The following ARHGAP15 variants were observed in gnomAD, a reference collection of about 807,000 sequenced individuals.
ARHGAP15 encodes the protein Rho GTPase activating protein 15.
ARHGAP15 carries 51 observed loss-of-function variants against 63.7 expected under a neutral mutation model. The observed-to-expected ratio is 0.80, with a 90% confidence interval of 0.64 to 1.01. The LOEUF is 1.01. Among genes scored for constraint, ARHGAP15 ranks in the 50% least tolerant of loss-of-function variants. The probability of loss-of-function intolerance (pLI) is 0.00; values close to 1 mark genes in which losing one functional copy is unlikely to be tolerated. For missense variants in ARHGAP15, 560 were observed against 564.6 expected (o/e 0.99, Z 0.08); for synonymous variants, 191 against 193.8 (o/e 0.99, Z 0.12).
chr2:143,638,939 T>A (rs886373756), intron 12 of ARHGAP15, among the ~76,000 whole-genome samples: 1 of 152,090 alleles, frequency 6.6e-6, no homozygotes, highest in Admixed American at 6.6e-5. Context: ...TTTATAATAC[T>A]CCTTTGTGGT....
At chr2:143,482,817 T>C (rs1192898431) in intron 8 of ARHGAP15, among the ~76,000 whole-genome samples, 1 of 152,238 alleles carries the variant, frequency 6.6e-6, no homozygotes, top group Non-Finnish European at 1.5e-5. Context: ...AGTTATTTGG[T>C]TAATAAAAAG....
At chr2:143,445,321 C>T (rs1179257917) in intron 8 of ARHGAP15, among the ~76,000 whole-genome samples, 4 of 151,698 alleles carry the variant, frequency 2.6e-5, no homozygotes, top group Admixed American at 6.6e-5. Flanking sequence ...CAACACCACG[C>T]CTGGCTAATT....
At chr2:143,263,476 C>G (rs553617104) in intron 6 of ARHGAP15, among the ~76,000 whole-genome samples, 13 of 152,192 alleles carry the variant, frequency 8.5e-5, no homozygotes, top group Middle Eastern at 6.8e-3. Flanking sequence ...TGGTAGGTAG[C>G]CTTGGGGAGA....
At chr2:143,425,630 C>G (rs1158627750) in intron 6 of ARHGAP15, among the ~76,000 whole-genome samples, 1 of 152,038 alleles carries the variant, frequency 6.6e-6, no homozygotes, top group Non-Finnish European at 1.5e-5. Context: ...GTTCTCCAAA[C>G]AGCAGAATTA....
At chr2:143,643,782 T>G (rs1680730865) in intron 12 of ARHGAP15, among the ~76,000 whole-genome samples, 2 of 152,096 alleles carry the variant, frequency 1.3e-5, no homozygotes, top group South Asian at 4.1e-4. Flanking sequence ...TTTAATGACA[T>G]CTCGGTTAAA....
At chr2:143,477,989 TTGTG>T (rs1003062199) in intron 8 of ARHGAP15, among the ~76,000 whole-genome samples, 3 of 152,208 alleles carry the variant, frequency 2.0e-5, no homozygotes, top group African/African-American at 7.2e-5. Context: ...CTGAAAAAGA[TTGTG>T]TGAGGGCAGG....
chr2:143,760,333 A>T (rs1686718043), intron 13 of ARHGAP15, among the ~76,000 whole-genome samples: 1 of 152,324 alleles, frequency 6.6e-6, no homozygotes, highest in South Asian at 2.1e-4. Context: ...AGAAGGTATT[A>T]ATAGTAACAA....
intron 9 of ARHGAP15, among the ~76,000 whole-genome samples, chr2:143,510,402 G>A (rs992619773): frequency 1.3e-5 from 2 of 152,118 alleles, no homozygotes; most frequent in South Asian, 2.1e-4. Context: ...AGTCTAGAGC[G>A]ATTGATGACT....
chr2:143,379,497 G>A (rs867083489), intron 6 of ARHGAP15, among the ~76,000 whole-genome samples: 11,562 of 145,296 alleles, frequency 0.08, 502 homozygotes, highest in Non-Finnish European at 0.1. Flanking sequence ...ATGTGTGTGT[G>A]TGTGTGTGTG....
intron 6 of ARHGAP15, among the ~76,000 whole-genome samples, chr2:143,399,387 G>A (rs1250932901): frequency 2.0e-5 from 3 of 151,722 alleles, no homozygotes; most frequent in Non-Finnish European, 4.4e-5. Flanking sequence ...GCCCTTCTTG[G>A]CAGCTTTGCT....
intron 13 of ARHGAP15, among the ~76,000 whole-genome samples, chr2:143,766,451 C>A (rs1686949068): frequency 6.6e-6 from 1 of 152,100 alleles, no homozygotes; most frequent in South Asian, 2.1e-4. Flanking sequence ...TTCACAATGG[C>A]CCCCAACGTG....
intron 12 of ARHGAP15, among the ~76,000 whole-genome samples, chr2:143,697,359 GACTT>G (rs1427822981): frequency 6.6e-6 from 1 of 152,088 alleles, no homozygotes; most frequent in African/African-American, 2.4e-5. Flanking sequence ...ACTTACAGGG[GACTT>G]ACTTAAATGA....
At chr2:143,533,715 A>G (rs1330041407) in intron 10 of ARHGAP15, among the ~76,000 whole-genome samples, 2 of 152,088 alleles carry the variant, frequency 1.3e-5, no homozygotes, top group Non-Finnish European at 2.9e-5. Flanking sequence ...TCCTCCTCTC[A>G]AGGGGTTTTG....
intron 6 of ARHGAP15, among the ~76,000 whole-genome samples, chr2:143,266,938 G>A (rs1406477305): frequency 1.3e-5 from 2 of 152,090 alleles, no homozygotes; most frequent in Non-Finnish European, 2.9e-5. Flanking sequence ...GTTCCATACT[G>A]TCTTCAGTCT....
chr2:143,343,065 A>G (rs1474154036), intron 6 of ARHGAP15, among the ~76,000 whole-genome samples: 2 of 152,134 alleles, frequency 1.3e-5, no homozygotes, highest in Non-Finnish European at 2.9e-5. Context: ...CCTACAACCT[A>G]CAACAAGCTT....
chr2:143,669,453 T>G (rs1430604921), intron 12 of ARHGAP15, among the ~76,000 whole-genome samples: 4 of 152,180 alleles, frequency 2.6e-5, no homozygotes, highest in Non-Finnish European at 5.9e-5. Flanking sequence ...TTGAATGAAT[T>G]AATGAATGAA....
chr2:143,193,687 A>G (rs1205628344), intron 2 of ARHGAP15, among the ~76,000 whole-genome samples: 2 of 151,898 alleles, frequency 1.3e-5, no homozygotes, highest in Non-Finnish European at 2.9e-5. Context: ...AAAGCTGTTA[A>G]AAGTGACCTT....
At chr2:143,553,530 C>T (rs974505621) in intron 10 of ARHGAP15, among the ~76,000 whole-genome samples, 9 of 152,318 alleles carry the variant, frequency 5.9e-5, no homozygotes, top group African/African-American at 1.2e-4. Flanking sequence ...ACAACCACAG[C>T]GGTAGCACAG....
intron 6 of ARHGAP15, among the ~76,000 whole-genome samples, chr2:143,355,781 A>G (rs577926541): frequency 6.6e-6 from 1 of 152,308 alleles, no homozygotes; most frequent in South Asian, 2.1e-4. Context: ...GGCACATTTA[A>G]CAGTTAAAAA....
Sources: allele counts gnomAD v4.1 joint callset (sites outside exome capture counted in the v4.1 genomes callset), GRCh38; gene constraint gnomAD v4.1.1; transcripts MANE v1.5; gene names NCBI Gene and HGNC (gene_info 2026-07-23, HGNC 2026-07-21).